The following P3H2 variants were observed in gnomAD, a reference collection of about 807,000 sequenced individuals.
P3H2 encodes the protein prolyl 3-hydroxylase 2, also known as leprecan-like 1.
P3H2 carries 80 observed loss-of-function variants against 87.0 expected under a neutral mutation model. The observed-to-expected ratio is 0.92, with a 90% CI of 0.77 to 1.11. The LOEUF (loss-of-function observed/expected upper bound fraction) is 1.11. Among genes scored for constraint, P3H2 ranks in the 50% least tolerant of loss-of-function variants. The pLI is 0.00. For missense variants in P3H2, 1,001 were observed against 923.9 expected, an observed-to-expected ratio of 1.08 and a Z score of -1.08; for synonymous variants, 367 against 359.3, an observed-to-expected ratio of 1.02 and a Z score of -0.24.
chr3:190,036,505 C>T (rs1187706840), intron 1 of P3H2, among the ~76,000 whole-genome samples: 1 of 42,726 alleles, frequency 2.3e-5, no homozygotes, highest in Non-Finnish European at 4.8e-5. Context: ...TCATTCTTAA[C>T]GTAATCTTGT....
In P3H2 at chr3:190,120,539, G is replaced by A; in HGVS notation, c.193C>T (p.Arg65Cys). ...CTGCGCAGCGCCGCTTCCAAGTCGCGCACCGCTCGCTCGTAGTCTCCGCTG... is the reference window on the plus strand; with the variant it reads ...CTGCGCAGCGCCGCTTCCAAGTCGCACACCGCTCGCTCGTAGTCTCCGCTG... Reference protein sequence around the residue: ...YYSGDYERAVRDLEAALRSHR... With the variant: ...YYSGDYERAVCDLEAALRSHR... Residue 65 changes from arginine (R) to cysteine (C), a missense_variant, in exon 1 of 15, where the codon CGC becomes TGC. Arg to Cys is a radical substitution (Grantham distance 180). Transcript: ENST00000319332. 2.7e-6 allele frequency: 4 copies of A among 1,507,880 alleles called. No homozygotes were observed. The highest frequency in any genetic ancestry group is 1.4e-5 in the African/African-American group (1 of 69,354). 93.4% of individuals were successfully genotyped at this position (1,507,880 alleles called of 1,614,324 possible).
chr3:190,012,781 T>TC (rs1440887379), intron 1 of P3H2, among the ~76,000 whole-genome samples: 2 of 152,018 alleles, frequency 1.3e-5, no homozygotes, highest in Non-Finnish European at 2.9e-5. Context: ...ATGTCTGTAT[T>TC]CCCCCCAGTG....
At chr3:190,009,584 A>C (rs974693308) in intron 1 of P3H2, among the ~76,000 whole-genome samples, 1 of 152,134 alleles carries the variant, frequency 6.6e-6, no homozygotes, top group Non-Finnish European at 1.5e-5. Flanking sequence ...TGGAAGACTC[A>C]CTTTCTGTTC....
chr3:189,988,927 A>T lies in P3H2; in HGVS notation c.935T>A (p.Leu312Gln), dbSNP rs1427478478. 2 of 1,614,070 alleles carry T rather than the reference A, an allele frequency of 1.2e-6. No homozygotes were observed. The highest frequency in any genetic ancestry group is 1.3e-5 in the African/African-American group (1 of 74,932). ...TTTACCTCGATAGTAGGCAAACTGT[A>T]GGTAATCATAGTGCAGAGGAAGAAA... Reference protein sequence around the residue: ...ENFLPLHYDYLQFAYYRVGEY... With the variant: ...ENFLPLHYDYQQFAYYRVGEY... The change falls in exon 4 of 15, where the codon CTA (leucine) becomes CAA (glutamine). Residue 312 changes from leucine (L) to glutamine (Q), a missense_variant. Physicochemically the swap from Leu to Gln is moderately radical, Grantham distance 113 (BLOSUM62 -2). Transcript: ENST00000319332.
At chr3:190,096,774 TAA>T (rs1331197510) in intron 1 of P3H2, among the ~76,000 whole-genome samples, 4 of 152,198 alleles carry the variant, frequency 2.6e-5, no homozygotes, top group Non-Finnish European at 5.9e-5. Flanking sequence ...CTCCATATAT[TAA>T]AGAGTGGGGT....
intron 13 of P3H2, chr3:189,969,780 C>T: frequency 1.2e-6 from 2 of 1,607,358 alleles, no homozygotes; most frequent in South Asian, 1.1e-5. Flanking sequence ...TCAGTTCTTC[C>T]TTCTAAAATT....
At chr3:190,078,239 A>T (rs542610947) in intron 1 of P3H2, among the ~76,000 whole-genome samples, 100 of 152,294 alleles carry the variant, frequency 6.6e-4, no homozygotes, top group Non-Finnish European at 1.3e-3. Context: ...ATTATTTTTT[A>T]CTTATTGTAT....
At chr3:190,018,269 A>AAAT (rs904264975) in intron 1 of P3H2, among the ~76,000 whole-genome samples, 29 of 152,202 alleles carry the variant, frequency 1.9e-4, no homozygotes, top group Non-Finnish European at 3.8e-4. Flanking sequence ...CATTTCTACA[A>AAAT]AATAATAATA....
intron 1 of P3H2, among the ~76,000 whole-genome samples, chr3:190,036,219 C>T (rs1725420304): frequency 6.6e-6 from 1 of 152,156 alleles, no homozygotes; most frequent in Non-Finnish European, 1.5e-5. Flanking sequence ...CCCAAACTTT[C>T]TCATTTTTCA....
intron 13 of P3H2, among the ~76,000 whole-genome samples, chr3:189,970,376 T>C (rs1465058345): frequency 1.3e-5 from 2 of 149,220 alleles, no homozygotes; most frequent in Non-Finnish European, 3.0e-5. Context: ...TATATGATAA[T>C]TTTGGTAACT....
rs183098394 is a variant in P3H2 at position 189,989,558 on chromosome 3, G to A, written c.824-520C>T. 1.5e-4 allele frequency among the ~76,000 whole-genome samples: 23 copies of A among 152,180 alleles called. 1 individual carries two copies. The highest frequency in any genetic ancestry group is 3.2e-4 in the Non-Finnish European group (22 of 68,004). ...TCTTTTTCTTTCTTAACATTTTCAA[G>A]CCAAATTGTCCTAAAAGAGAAATAA... is the stretch of plus-strand genomic sequence containing the variant. On this transcript the variant is annotated intron_variant, in intron 3 of 14. Coordinates refer to ENST00000319332, the MANE Select transcript of P3H2 (RefSeq NM_018192.4).
chr3:190,111,150 G>A (rs1712054720), intron 1 of P3H2, among the ~76,000 whole-genome samples: 1 of 152,108 alleles, frequency 6.6e-6, no homozygotes, highest in African/African-American at 2.4e-5. Flanking sequence ...TCTTATTTCT[G>A]AGTTTTCCCC....
At chr3:190,030,963 A>G (rs1037282282) in intron 1 of P3H2, among the ~76,000 whole-genome samples, 2 of 152,202 alleles carry the variant, frequency 1.3e-5, no homozygotes, top group Non-Finnish European at 2.9e-5. Flanking sequence ...ATGAATTAAG[A>G]GTACGTACTA....
chr3:190,118,995 C>T, intron 1 of P3H2, among the ~76,000 whole-genome samples: 1 of 151,670 alleles, frequency 6.6e-6, no homozygotes, highest in Non-Finnish European at 1.5e-5. Context: ...ATCCCAGCTA[C>T]TCAGGAGGCT....
At chr3:190,057,114 C>T (rs1291879251) in intron 1 of P3H2, among the ~76,000 whole-genome samples, 1 of 152,142 alleles carries the variant, frequency 6.6e-6, no homozygotes, top group Non-Finnish European at 1.5e-5. Flanking sequence ...GTATTACCTA[C>T]AAATCAACTT....
intron 8 of P3H2, among the ~76,000 whole-genome samples, chr3:189,980,341 G>A (rs571115833): frequency 6.9e-4 from 105 of 152,260 alleles, no homozygotes; most frequent in African/African-American, 2.3e-3. Flanking sequence ...GTGGCGGGAG[G>A]ATCACAAGGT....
At chr3:189,991,456 C>A (rs916605302) in intron 3 of P3H2, among the ~76,000 whole-genome samples, 1 of 152,056 alleles carries the variant, frequency 6.6e-6, no homozygotes, top group Non-Finnish European at 1.5e-5. Flanking sequence ...CATTTTAATC[C>A]CTGCTATGAG....
At chr3:190,055,526 T>C (rs1210018755) in intron 1 of P3H2, among the ~76,000 whole-genome samples, 1 of 264 alleles carries the variant, frequency 3.8e-3, no homozygotes, top group Non-Finnish European at 9.3e-3. Context: ...ACAGAGTGCT[T>C]TTTTTTTTTT....
intron 1 of P3H2, among the ~76,000 whole-genome samples, chr3:190,033,609 C>T (rs1272214492): frequency 6.6e-6 from 1 of 152,044 alleles, no homozygotes; most frequent in Non-Finnish European, 1.5e-5. Context: ...ATTGTTTGGC[C>T]GTAGCATTTC....
Sources: allele counts gnomAD v4.1 joint callset (sites outside exome capture counted in the v4.1 genomes callset), GRCh38; gene constraint gnomAD v4.1.1; transcripts MANE v1.5; gene names NCBI Gene and HGNC (gene_info 2026-07-23, HGNC 2026-07-21).